PDE4B: variants seen among roughly 807,000 people sequenced by gnomAD.
The protein encoded by PDE4B is phosphodiesterase 4B, also known as 3',5'-cyclic-AMP phosphodiesterase 4B.
A neutral mutation model predicts 82.2 loss-of-function variants in PDE4B; 20 were observed. The observed-to-expected ratio is 0.24, with a 90% CI of 0.17 to 0.35. PDE4B has a LOEUF of 0.35. PDE4B is among the 10% of genes least tolerant of loss of function. The pLI, the probability that PDE4B is intolerant of heterozygous loss-of-function variation, is 1.00. For missense variants in PDE4B, 655 were observed against 907.2 expected, an observed-to-expected ratio of 0.72 and a Z score of 3.57; for synonymous variants, 320 against 318.9, an observed-to-expected ratio of 1.00 and a Z score of -0.04.
chr1:66,201,307 C>T (rs1648920878), intron 3 of PDE4B, among the ~76,000 whole-genome samples: 1 of 152,032 alleles, frequency 6.6e-6, no homozygotes, highest in African/African-American at 2.4e-5. Context: ...CTAAAATTCT[C>T]TTTTTTGGTT....
intron 3 of PDE4B, among the ~76,000 whole-genome samples, chr1:66,200,746 G>A (rs1257756694): frequency 6.6e-6 from 1 of 152,110 alleles, no homozygotes; most frequent in Non-Finnish European, 1.5e-5. Context: ...GAGATTTTGG[G>A]CTGAGACAGT....
At chr1:65,875,914 C>T (rs1003928210) in intron 1 of PDE4B, among the ~76,000 whole-genome samples, 5 of 150,678 alleles carry the variant, frequency 3.3e-5, no homozygotes, top group Non-Finnish European at 5.9e-5. Context: ...AACTAACCTG[C>T]ACAATGTGCA....
chr1:66,122,235 G>A (rs1645723801), intron 3 of PDE4B, among the ~76,000 whole-genome samples: 1 of 152,200 alleles, frequency 6.6e-6, no homozygotes, highest in Non-Finnish European at 1.5e-5. Context: ...GAATATTCAT[G>A]TGTTAACACA....
At chr1:65,825,880 A>AC (rs1646011684) in intron 1 of PDE4B, among the ~76,000 whole-genome samples, 3 of 151,684 alleles carry the variant, frequency 2.0e-5, no homozygotes, top group Non-Finnish European at 4.4e-5. Context: ...CATCTTCCTT[A>AC]TATGCTACAT....
intron 3 of PDE4B, among the ~76,000 whole-genome samples, chr1:66,030,659 C>G (rs769339920): frequency 6.6e-6 from 1 of 152,114 alleles, no homozygotes; most frequent in African/African-American, 2.4e-5. Context: ...CATATACACC[C>G]ATATGTTCAT....
At chr1:66,297,568 T>C (rs1657598659) in intron 7 of PDE4B, among the ~76,000 whole-genome samples, 1 of 152,184 alleles carries the variant, frequency 6.6e-6, no homozygotes, top group African/African-American at 2.4e-5. Flanking sequence ...CGGTTTTACC[T>C]TGCTTTTACT....
chr1:66,023,366 G>A (rs150161366), intron 3 of PDE4B, among the ~76,000 whole-genome samples: 89 of 152,286 alleles, frequency 5.8e-4, no homozygotes, highest in African/African-American at 2.1e-3. Flanking sequence ...AGGCTTATCA[G>A]TTCACAATGT....
chr1:66,151,979 A>C (rs1294355242), intron 3 of PDE4B, among the ~76,000 whole-genome samples: 1 of 152,216 alleles, frequency 6.6e-6, no homozygotes, highest in Non-Finnish European at 1.5e-5. Flanking sequence ...CTGAATGATA[A>C]ATTAATATTA....
intron 3 of PDE4B, among the ~76,000 whole-genome samples, chr1:66,185,879 C>G (rs1647190197): frequency 1.3e-5 from 2 of 152,076 alleles, no homozygotes; most frequent in South Asian, 4.1e-4. Flanking sequence ...GTTGCCATTG[C>G]TTTTGGTGTT....
At chr1:65,867,901 C>CT (rs1646529968) in intron 1 of PDE4B, among the ~76,000 whole-genome samples, 1 of 152,190 alleles carries the variant, frequency 6.6e-6, no homozygotes, top group Non-Finnish European at 1.5e-5. Context: ...CTCTAAAAAT[C>CT]CCTTTATTTC....
intron 1 of PDE4B, among the ~76,000 whole-genome samples, chr1:65,875,876 C>G (rs542670843): frequency 2.6e-5 from 4 of 151,328 alleles, no homozygotes; most frequent in African/African-American, 9.7e-5. Flanking sequence ...GGGTGCAGCG[C>G]ACCAGCATGG....
intron 8 of PDE4B, among the ~76,000 whole-genome samples, chr1:66,343,176 TA>T (rs1661142174): frequency 6.6e-6 from 1 of 152,172 alleles, no homozygotes; most frequent in Non-Finnish European, 1.5e-5. Flanking sequence ...AGATTTTTTT[TA>T]AAAAAGAGAG....
intron 7 of PDE4B, among the ~76,000 whole-genome samples, chr1:66,322,433 T>C (rs1659467203): frequency 6.6e-6 from 1 of 152,088 alleles, no homozygotes; most frequent in Admixed American, 6.6e-5. Context: ...AAAGGGCTAA[T>C]ATCCGGAATC....
intron 4 of PDE4B, among the ~76,000 whole-genome samples, chr1:66,255,908 G>A (rs1654182598): frequency 6.6e-6 from 1 of 152,240 alleles, no homozygotes; most frequent in South Asian, 2.1e-4. Flanking sequence ...GTTTACACCT[G>A]TAACTCCAGC....
intron 3 of PDE4B, among the ~76,000 whole-genome samples, chr1:65,919,922 C>G (rs936533079): frequency 6.6e-6 from 1 of 152,130 alleles, no homozygotes; most frequent in Non-Finnish European, 1.5e-5. Context: ...TTTAATCAGA[C>G]AATCTGTGTG....
intron 3 of PDE4B, among the ~76,000 whole-genome samples, chr1:65,953,002 G>A (rs1021275458): frequency 2.0e-5 from 3 of 152,050 alleles, no homozygotes; most frequent in Admixed American, 6.6e-5. Flanking sequence ...CACCTCCACC[G>A]GGCATGGAAC....
chr1:66,277,194 A>G (rs1164241106), intron 7 of PDE4B, among the ~76,000 whole-genome samples: 1 of 152,152 alleles, frequency 6.6e-6, no homozygotes, highest in Non-Finnish European at 1.5e-5. Context: ...TGCCACAGCC[A>G]GAGAACTGGG....
At chr1:66,332,442 G>T in intron 7 of PDE4B, 66 bp from the exon 8 acceptor site, 1 of 1,614,162 alleles carries the variant, frequency 6.2e-7, no homozygotes, top group East Asian at 2.2e-5. Flanking sequence ...GGTGGTAGCG[G>T]TGACTCTGCT....
chr1:66,123,526 C>T (rs1465453158), intron 3 of PDE4B, among the ~76,000 whole-genome samples: 2 of 151,688 alleles, frequency 1.3e-5, no homozygotes, highest in Non-Finnish European at 2.9e-5. Flanking sequence ...CCTCCCCTCC[C>T]TCCTTTTCTC....
Sources: gnomAD v4.1 joint callset for allele counts (sites outside exome capture counted in the v4.1 genomes callset) on GRCh38, gnomAD v4.1.1 for gene constraint, MANE v1.5 for transcripts, NCBI Gene and HGNC (gene_info 2026-07-23, HGNC 2026-07-21) for gene names.